The following CALN1 variants were observed in gnomAD, a reference collection of about 807,000 sequenced individuals.
The protein encoded by CALN1 is calneuron 1.
In CALN1, 17 loss-of-function variants were observed where a neutral mutation model predicts 30.6. The ratio of observed to expected loss-of-function variants is 0.56; its 90% CI spans 0.38 to 0.83. The LOEUF (loss-of-function observed/expected upper bound fraction) is 0.83, where lower values mean the gene tolerates loss of function less well. CALN1 is among the 40% of genes least tolerant of loss of function. The pLI, the probability that CALN1 is intolerant of heterozygous loss-of-function variation, is 0.00. For missense variants in CALN1, 291 were observed against 354.9 expected (o/e 0.82, Z 1.45); for synonymous variants, 156 against 131.4 (o/e 1.19, Z -1.28).
At position 71,979,011 on chromosome 7, in the gene CALN1, G is replaced by A. The variant is rs1260276765; in HGVS notation, c.501+44646C>T. Among the ~76,000 whole-genome samples, 5 of 152,224 alleles carry A rather than the reference G, an allele frequency of 3.3e-5. No homozygotes were observed. In the East Asian group the frequency reaches 9.7e-4, roughly 29 times the overall value. On this transcript the variant is annotated intron_variant, in intron 5 of 6. Coordinates refer to ENST00000395275, the MANE Select transcript of CALN1 (RefSeq NM_031468.4). ...TGAAGCCACAGTGTCTCCCTCCAGA[G>A]AAAGTGCAAATTTAATTACTGCCCA... is the stretch of plus-strand genomic sequence containing the variant.
At chr7:72,038,059 C>T (rs1329762086) in intron 4 of CALN1, among the ~76,000 whole-genome samples, 1 of 152,308 alleles carries the variant, frequency 6.6e-6, no homozygotes, top group Middle Eastern at 3.4e-3. Flanking sequence ...GGTGCACCAC[C>T]AATGGCTTCC....
In CALN1 at chr7:71,791,582, G is replaced by GA. The variant is rs532761674; in HGVS notation, c.659-3681dup. Among the ~76,000 whole-genome samples the GA allele has an allele frequency of 2.6e-5, 4 of 152,096 alleles. No individual in the cohort carries two copies. The South Asian group carries it at 6.2e-4, about 24-fold the overall frequency. ...GAGGGTAGGAGGAGGGAGACGAGCAGAAAAAAATCACTATTGGGTTCTAGG... is the reference window on the plus strand; with the variant it reads ...GAGGGTAGGAGGAGGGAGACGAGCAGAAAAAAAATCACTATTGGGTTCTAGG... On this transcript the variant is annotated intron_variant, in intron 6 of 6. Coordinates refer to ENST00000395275, the MANE Select transcript of CALN1 (RefSeq NM_031468.4).
At chr7:72,099,710 C>G (rs1327005173) in intron 4 of CALN1, among the ~76,000 whole-genome samples, 1 of 152,132 alleles carries the variant, frequency 6.6e-6, no homozygotes, top group Non-Finnish European at 1.5e-5. Context: ...GCGTTATTTT[C>G]ATGGATTTTG....
chr7:72,251,033 T>C (rs1379724335), intron 3 of CALN1, among the ~76,000 whole-genome samples: 1 of 152,102 alleles, frequency 6.6e-6, no homozygotes, highest in African/African-American at 2.4e-5. Flanking sequence ...ATTAAAGACA[T>C]AGAGACCAGA....
At chr7:71,950,789 T>C (rs1796650816) in intron 5 of CALN1, among the ~76,000 whole-genome samples, 1 of 152,198 alleles carries the variant, frequency 6.6e-6, no homozygotes, top group Non-Finnish European at 1.5e-5. Context: ...CTCAGTCTGC[T>C]CCAGCCAGAC....
At chr7:71,790,347 AAAAG>A (rs1274306297) in intron 6 of CALN1, among the ~76,000 whole-genome samples, 43 of 115,644 alleles carry the variant, frequency 3.7e-4, no homozygotes, top group South Asian at 1.3e-3. Context: ...AGAAAGAAAG[AAAAG>A]AAAGAAAGAA....
chr7:72,099,273 CTTTTTTTTTTT>C (rs386359911), intron 4 of CALN1, among the ~76,000 whole-genome samples: 1 of 125,346 alleles, frequency 8.0e-6, no homozygotes, highest in Non-Finnish European at 1.7e-5. Context: ...CCAAACACTC[CTTTTTTTTTTT>C]TTTTTTTTTG....
At chr7:72,322,941 CAAA>C (rs1178465494) in intron 2 of CALN1, among the ~76,000 whole-genome samples, 2 of 119,538 alleles carry the variant, frequency 1.7e-5, no homozygotes, top group Non-Finnish European at 3.5e-5. Flanking sequence ...CCACAAAAAT[CAAA>C]AAAATTTTTA....
chr7:72,357,497 C>T (rs575802569), intron 2 of CALN1, among the ~76,000 whole-genome samples: 1 of 151,926 alleles, frequency 6.6e-6, no homozygotes, highest in South Asian at 2.1e-4. Context: ...TGTGCTGATA[C>T]CACCCCCAAC....
rs1562836015 is a variant in CALN1 at position 71,847,847 on chromosome 7, G to GAAGAAGAAGA, written c.502-37356_502-37355insTCTTCTTCTT. ...GGAGAAGGAGAAGGAGAAGGAGAAG[G>GAAGAAGAAGA]AGAAGAAGAAGAGGAAAGTTTTCCC... On this transcript the variant is annotated intron_variant, in intron 5 of 6. Transcript: ENST00000395275. Among the ~76,000 whole-genome samples, 1,030 of 134,920 alleles carry GAAGAAGAAGA rather than the reference G, an allele frequency of 7.6e-3. 51 individuals carry two copies. In the South Asian group the frequency reaches 0.086, roughly 11 times the overall value. 88.5% of individuals were successfully genotyped at this position (134,920 alleles called of 152,430 possible). A position where few individuals can be genotyped will look rare whatever the true frequency, so the allele number is the denominator to read the frequency against.
chr7:71,891,750 T>C (rs7812085), intron 5 of CALN1, among the ~76,000 whole-genome samples: 58,903 of 151,812 alleles, frequency 0.39, 13,660 homozygotes, highest in African/African-American at 0.65. Context: ...TCGAGACCAG[T>C]CTGGCTAACA....
At chr7:71,940,600 TTTTG>T (rs746866455) in intron 5 of CALN1, among the ~76,000 whole-genome samples, 8 of 152,250 alleles carry the variant, frequency 5.3e-5, no homozygotes, top group South Asian at 2.1e-4. Flanking sequence ...TTCTTCTGTT[TTTTG>T]TTTGTTTGTT....
intron 5 of CALN1, among the ~76,000 whole-genome samples, chr7:71,889,715 G>A (rs1308162419): frequency 6.6e-6 from 1 of 152,204 alleles, no homozygotes; most frequent in African/African-American, 2.4e-5. Flanking sequence ...AGCACTTTGG[G>A]AGGCTGAGGT....
At chr7:72,260,340 A>G (rs753212753) in intron 3 of CALN1, among the ~76,000 whole-genome samples, 2 of 152,204 alleles carry the variant, frequency 1.3e-5, no homozygotes, top group Admixed American at 6.5e-5. Flanking sequence ...GTTGAACTCC[A>G]TATGACAAAA....
intron 4 of CALN1, among the ~76,000 whole-genome samples, chr7:72,034,751 G>A (rs1378605361): frequency 7.7e-6 from 1 of 130,258 alleles, no homozygotes; most frequent in Non-Finnish European, 1.5e-5. Flanking sequence ...TCATGCCAAT[G>A]CACTTCAGCC....
intron 4 of CALN1, among the ~76,000 whole-genome samples, chr7:72,076,627 A>G (rs1187454976): frequency 7.2e-6 from 1 of 138,320 alleles, no homozygotes; most frequent in African/African-American, 2.8e-5. Flanking sequence ...AAAAAAAAAA[A>G]AAAAAAAAAA....
the CALN1 span, among the ~76,000 whole-genome samples, chr7:72,484,585 G>A: frequency 6.6e-6 from 1 of 152,062 alleles, no homozygotes; most frequent in Non-Finnish European, 1.5e-5. Flanking sequence ...ATATCCAGCT[G>A]AATAGTTGAG....
At chr7:72,308,683 G>C (rs1050201456) in intron 2 of CALN1, among the ~76,000 whole-genome samples, 1 of 152,156 alleles carries the variant, frequency 6.6e-6, no homozygotes, top group Non-Finnish European at 1.5e-5. Context: ...GGGTTAGGTT[G>C]TGTTCATTTT....
At chr7:71,904,764 A>G (rs749776770) in intron 5 of CALN1, among the ~76,000 whole-genome samples, 6 of 152,234 alleles carry the variant, frequency 3.9e-5, no homozygotes, top group Non-Finnish European at 5.9e-5. Flanking sequence ...TTTATCCCAC[A>G]ATGTACGTAT....
Sources: allele counts gnomAD v4.1 joint callset (sites outside exome capture counted in the v4.1 genomes callset), GRCh38; gene constraint gnomAD v4.1.1; transcripts MANE v1.5; gene names NCBI Gene and HGNC (gene_info 2026-07-23, HGNC 2026-07-21).